BIRC6: variants seen among roughly 807,000 people sequenced by gnomAD.
The protein encoded by BIRC6 is baculoviral IAP repeat containing 6, also known as dual E2 ubiquitin-conjugating enzyme/E3 ubiquitin-protein ligase BIRC6.
In BIRC6, 98 loss-of-function variants were observed where a neutral mutation model predicts 503.3. The ratio of observed to expected loss-of-function variants is 0.19; its 90% CI spans 0.17 to 0.23. BIRC6 has a LOEUF of 0.23. BIRC6 is among the 10% of genes least tolerant of loss of function. The pLI is 1.00. For missense variants in BIRC6, 5,360 were observed against 5,806.0 expected (o/e 0.92, Z 2.50); for synonymous variants, 2,240 against 2,078.7 (o/e 1.08, Z -2.11).
At chr2:32,504,906 CAATT>C in intron 49 of BIRC6, 95 bp from the exon 50 acceptor site, 1 of 1,093,932 alleles carries the variant, frequency 9.1e-7, no homozygotes, top group Non-Finnish European at 1.3e-6. Context: ...TTCATGTTTT[CAATT>C]AATTTTTCTA....
At chr2:32,552,266 A>T (rs532224742) in intron 65 of BIRC6, among the ~76,000 whole-genome samples, 2 of 152,326 alleles carry the variant, frequency 1.3e-5, no homozygotes, top group South Asian at 2.1e-4. Flanking sequence ...TGACTGTTAA[A>T]GATTGAGATG....
chr2:32,606,837 C>G (rs1244943508), intron 71 of BIRC6, among the ~76,000 whole-genome samples: 1 of 151,930 alleles, frequency 6.6e-6, no homozygotes, highest in South Asian at 2.1e-4. Context: ...GAAACCCCAT[C>G]TCTACTAAAA....
intron 53 of BIRC6, among the ~76,000 whole-genome samples, chr2:32,511,988 A>C (rs1052673323): frequency 6.6e-6 from 1 of 152,192 alleles, no homozygotes; most frequent in Non-Finnish European, 1.5e-5. Context: ...ATCTGTTAGG[A>C]TTATTTAATT....
chr2:32,519,641 G>C (rs963896458), intron 57 of BIRC6, among the ~76,000 whole-genome samples: 21 of 152,118 alleles, frequency 1.4e-4, no homozygotes, highest in Non-Finnish European at 1.3e-4. Context: ...TCAGCCTCCT[G>C]AGTAGCTGGC....
intron 50 of BIRC6, among the ~76,000 whole-genome samples, chr2:32,505,506 T>TA (rs2053691941): frequency 6.6e-6 from 1 of 152,224 alleles, no homozygotes; most frequent in Non-Finnish European, 1.5e-5. Flanking sequence ...ATGAGTTCAC[T>TA]ACACACCCAT....
intron 65 of BIRC6, among the ~76,000 whole-genome samples, chr2:32,567,029 G>A (rs2150846256): frequency 6.6e-6 from 1 of 152,314 alleles, no homozygotes; most frequent in Admixed American, 6.5e-5. Context: ...AGAGTACAGT[G>A]GCATGATCTT....
At chr2:32,614,372 A>T (rs2063094286) in intron 73 of BIRC6, among the ~76,000 whole-genome samples, 1 of 152,200 alleles carries the variant, frequency 6.6e-6, no homozygotes. Context: ...TTTCACTTAC[A>T]CAAAACTGGC....
Position 32,515,098 on chromosome 2 carries a change from G to C in BIRC6, c.10677G>C (p.Leu3559Phe), listed in dbSNP as rs1209170035. ...MCHVHPNYFSLLMGWMGITPP... is the reference protein window; with the variant it reads ...MCHVHPNYFSFLMGWMGITPP... ...ACGTACACCCAAACTATTTTTCTTT[G>C]CTCATGGGCTGGATGGGAATTACCC... Residue 3559 changes from leucine to phenylalanine, a missense_variant, in exon 55 of 74, where the codon TTG becomes TTC. Leu to Phe is a conservative substitution (Grantham distance 22, BLOSUM62 0). Around this residue, in one of 16 missense-constraint regions of BIRC6, gnomAD observed 878 missense variants for 928.9 expected, o/e 0.95. Transcript: ENST00000421745. The C allele has an allele frequency of 1.2e-6, 2 of 1,613,632 alleles. No individual in the cohort carries two copies. Among genetic ancestry groups the C allele is most frequent in the Admixed American group, 3.3e-5 (2 of 59,974 alleles).
chr2:32,543,291 C>A lies in BIRC6; in HGVS notation c.12342C>A (p.Ser4114Arg), dbSNP rs765299896. 6.2e-7 allele frequency: 1 copy of A among 1,613,928 alleles called. No individual in the cohort carries two copies. Residue 4114 changes from serine to arginine, a missense_variant, in exon 62 of 74, where the codon AGC (serine) becomes AGA (arginine). Ser to Arg is a moderately radical substitution (Grantham distance 110, BLOSUM62 -1). Around this residue, in one of 16 missense-constraint regions of BIRC6, gnomAD observed 878 missense variants for 928.9 expected, o/e 0.95. Transcript: ENST00000421745. ...TSTTQEKPKD[S>R]DQFEWVTIEQ... is the part of the protein sequence containing the mutation. ...CCACTCAGGAAAAGCCGAAGGATAG[C>A]GATCAGTTTGAATGGGTGACCATTG...
At chr2:32,425,519 T>C (rs1483505500) in intron 10 of BIRC6, among the ~76,000 whole-genome samples, 2 of 152,034 alleles carry the variant, frequency 1.3e-5, no homozygotes, top group African/African-American at 4.8e-5. Context: ...GTCAGAACTT[T>C]CTGAGTATTG....
intron 15 of BIRC6, 137 bp from the exon 16 acceptor site, chr2:32,439,371 T>A: frequency 1.2e-6 from 1 of 843,590 alleles, no homozygotes; most frequent in South Asian, 1.9e-5. Flanking sequence ...TTTCTTCTGC[T>A]CAAACAGTAT....
intron 65 of BIRC6, among the ~76,000 whole-genome samples, chr2:32,558,319 A>AC (rs2058926430): frequency 1.4e-5 from 2 of 139,312 alleles, no homozygotes; most frequent in Non-Finnish European, 3.3e-5. Context: ...CAATTTATAT[A>AC]CAAAAAACTA....
chr2:32,590,879 T>C, intron 66 of BIRC6: 5 of 985,842 alleles, frequency 5.1e-6, no homozygotes, highest in Non-Finnish European at 6.0e-6. Context: ...GCTGATTGCT[T>C]TTACCATGTT....
chr2:32,550,724 G>A (rs1325151104), intron 65 of BIRC6, among the ~76,000 whole-genome samples: 1 of 151,884 alleles, frequency 6.6e-6, no homozygotes, highest in Admixed American at 6.6e-5. Flanking sequence ...ATAACACTGA[G>A]CTTTTATCTT....
chr2:32,600,032 TC>T, intron 70 of BIRC6, 132 bp downstream of exon 70: 1 of 806,878 alleles, frequency 1.2e-6, no homozygotes, highest in Non-Finnish European at 1.9e-6. Context: ...CTTCCCTACG[TC>T]CAGATTAGCT....
chr2:32,374,806 G>T (rs1164365165), intron 1 of BIRC6, among the ~76,000 whole-genome samples: 4 of 152,082 alleles, frequency 2.6e-5, no homozygotes, highest in Non-Finnish European at 2.9e-5. Context: ...TAGATACGGG[G>T]TCTGTCTCAG....
intron 61 of BIRC6, among the ~76,000 whole-genome samples, chr2:32,538,672 A>G (rs1388475968): frequency 1.3e-5 from 2 of 152,230 alleles, no homozygotes; most frequent in African/African-American, 4.8e-5. Flanking sequence ...GGCTCATGCC[A>G]GTAATCCCAG....
intron 49 of BIRC6, among the ~76,000 whole-genome samples, chr2:32,504,440 G>A (rs1325705419): frequency 6.6e-6 from 1 of 151,878 alleles, no homozygotes; most frequent in African/African-American, 2.4e-5. Flanking sequence ...GGCCGAGGCG[G>A]GTGGATCATG....
Position 32,415,423 on chromosome 2 carries a change from C to G in BIRC6, c.2132C>G (p.Pro711Arg). ...PDSEKWNSVF[P>R]KPGTLVQCLR... ...TCTGAGAAGTGGAACTCTGTGTTTC[C>G]CAAGCCTGGGACTTTGGTTCAGTGC... is the stretch of plus-strand genomic sequence containing the variant. The change falls in exon 10 of 74, where the codon CCC (proline) becomes CGC (arginine). Residue 711 changes from proline (P) to arginine (R), a missense_variant. This residue lies in a region of BIRC6 where 700 missense variants were observed against 739.3 expected (regional missense o/e 0.95). Coordinates refer to ENST00000421745, the MANE Select transcript of BIRC6 (RefSeq NM_016252.4). The G allele has an allele frequency of 6.2e-7, 1 of 1,613,936 alleles. No individual in the cohort carries two copies.
Sources: allele counts gnomAD v4.1 joint callset (sites outside exome capture counted in the v4.1 genomes callset), GRCh38; gene constraint gnomAD v4.1.1; regional missense constraint gnomAD v4.1.1; transcripts MANE v1.5; gene names NCBI Gene and HGNC (gene_info 2026-07-23, HGNC 2026-07-21).